PITPNC1: variants seen among roughly 807,000 people sequenced by gnomAD.
PITPNC1 encodes phosphatidylinositol transfer protein cytoplasmic 1.
A neutral mutation model predicts 44.7 loss-of-function variants in PITPNC1; 18 were observed. The ratio of observed to expected loss-of-function variants is 0.40; its 90% CI spans 0.28 to 0.60. The LOEUF (loss-of-function observed/expected upper bound fraction) is 0.60. Among genes scored for constraint, PITPNC1 ranks in the 20% least tolerant of loss-of-function variants. PITPNC1 has a pLI of 0.39. For synonymous variants in PITPNC1, 141 were observed against 149.6 expected (o/e 0.94, Z 0.42); for missense variants, 290 against 418.4 (o/e 0.69, Z 2.68).
chr17:67,472,742 G>T (rs1306897105), intron 1 of PITPNC1, among the ~76,000 whole-genome samples: 1 of 152,210 alleles, frequency 6.6e-6, no homozygotes, highest in South Asian at 2.1e-4. Context: ...GCTGTCCTGG[G>T]CCACGGGTTG....
chr17:67,477,750 G>C (rs2039650372), intron 1 of PITPNC1, among the ~76,000 whole-genome samples: 1 of 152,134 alleles, frequency 6.6e-6, no homozygotes, highest in Non-Finnish European at 1.5e-5. Flanking sequence ...CCTAGTGTGA[G>C]TGGCCTCCAT....
rs537594664 is a variant in PITPNC1 at position 67,451,272 on chromosome 17, T to C, written c.48+73070T>C. ...GTCTCGATCTCCTGACCTCAGGTGA[T>C]CCACCCACCTTGGCCTCCCAGACTG... On this transcript the variant is annotated intron_variant, in intron 1 of 8. Coordinates refer to ENST00000581322, the MANE Select transcript of PITPNC1 (RefSeq NM_012417.4). Among the ~76,000 whole-genome samples the C allele has an allele frequency of 1.7e-3, 263 of 152,206 alleles. 1 individual carries two copies. The highest frequency in any genetic ancestry group is 3.0e-3 in the Non-Finnish European group (206 of 68,000).
At position 67,473,066 on chromosome 17, in the gene PITPNC1, A is replaced by T. The variant is rs547346627; in HGVS notation, c.49-59736A>T. On this transcript the variant is annotated intron_variant, in intron 1 of 8. Coordinates refer to ENST00000581322, the MANE Select transcript of PITPNC1 (RefSeq NM_012417.4). ...AATTTTTTTGTATTTTTAGTAGAGA[A>T]GGGGTTTCACCATGTTAGCCAGGAT... Among the ~76,000 whole-genome samples the T allele has an allele frequency of 1.2e-4, 18 of 151,764 alleles. No individual in the cohort carries two copies. The East Asian group carries it at 2.5e-3, about 21-fold the overall frequency.
rs138451922 is a variant in PITPNC1 at position 67,668,512 on chromosome 17, G to A, written c.463-996G>A. On this transcript the variant is annotated intron_variant, in intron 6 of 8. Transcript: ENST00000581322. Reference sequence around the variant, plus strand: ...CCAAGAAGGGAGGATCACTTGAGGTGAGAAGTTGGAGACCAGCCTGGGCAA... The same window carrying A: ...CCAAGAAGGGAGGATCACTTGAGGTAAGAAGTTGGAGACCAGCCTGGGCAA... Among the ~76,000 whole-genome samples the A allele has an allele frequency of 6.6e-5, 10 of 152,152 alleles. No homozygotes were observed. In the South Asian group the frequency reaches 8.3e-4, roughly 13 times the overall value.
intron 2 of PITPNC1, among the ~76,000 whole-genome samples, chr17:67,535,702 A>C (rs2040518732): frequency 6.6e-6 from 1 of 152,242 alleles, no homozygotes; most frequent in Non-Finnish European, 1.5e-5. Flanking sequence ...ACACAGGATG[A>C]AATATAACTA....
intron 1 of PITPNC1, among the ~76,000 whole-genome samples, chr17:67,405,906 C>T (rs558273881): frequency 1.3e-5 from 2 of 152,132 alleles, no homozygotes; most frequent in Admixed American, 6.6e-5. Context: ...CATGCCTGGC[C>T]CCTGTTCAAC....
At chr17:67,519,445 G>A (rs566568727) in intron 1 of PITPNC1, among the ~76,000 whole-genome samples, 2 of 152,186 alleles carry the variant, frequency 1.3e-5, no homozygotes, top group East Asian at 3.9e-4. Context: ...CCAAAGTGCT[G>A]GGATTACAGA....
chr17:67,644,003 C>G (rs1401774467), intron 6 of PITPNC1, among the ~76,000 whole-genome samples: 1 of 152,178 alleles, frequency 6.6e-6, no homozygotes, highest in African/African-American at 2.4e-5. Flanking sequence ...ATAGCTCCAG[C>G]TCTCAGGATC....
At chr17:67,414,535 C>T (rs1216298293) in intron 1 of PITPNC1, among the ~76,000 whole-genome samples, 1 of 151,988 alleles carries the variant, frequency 6.6e-6, no homozygotes, top group Non-Finnish European at 1.5e-5. Flanking sequence ...ATTCCAAGGG[C>T]CAATTCCAGC....
chr17:67,537,845 G>T (rs2040550854), intron 2 of PITPNC1, among the ~76,000 whole-genome samples: 1 of 151,734 alleles, frequency 6.6e-6, no homozygotes, highest in African/African-American at 2.4e-5. Context: ...GGTGGCGGGT[G>T]CCTGTAATCC....
chr17:67,532,614 T>A (rs1028640254), intron 1 of PITPNC1, among the ~76,000 whole-genome samples, 188 bp from the exon 2 acceptor site: 5 of 152,040 alleles, frequency 3.3e-5, no homozygotes, highest in Admixed American at 6.6e-5. Context: ...ACACGCCGTC[T>A]CGATGTTCTA....
At chr17:67,443,511 G>A (rs1228990083) in intron 1 of PITPNC1, among the ~76,000 whole-genome samples, 2 of 151,624 alleles carry the variant, frequency 1.3e-5, no homozygotes, top group Non-Finnish European at 2.9e-5. Context: ...AGCAACCGGG[G>A]CTTTTCATGT....
At chr17:67,519,585 C>A (rs975913468) in intron 1 of PITPNC1, among the ~76,000 whole-genome samples, 1 of 152,154 alleles carries the variant, frequency 6.6e-6, no homozygotes, top group South Asian at 2.1e-4. Flanking sequence ...CACCCATTTG[C>A]TTTCCTCAAT....
rs540751803 is a variant in PITPNC1, at chr17:67,467,974, T to C, written c.49-64828T>C. ...TCATGCCAGCCTCTCGGCTTGGTGC[T>C]GGGGCAGAGTGGGAAGCAGACCACA... On this transcript the variant is annotated intron_variant, in intron 1 of 8. Coordinates refer to ENST00000581322, the MANE Select transcript of PITPNC1 (RefSeq NM_012417.4). Among the ~76,000 whole-genome samples the C allele has an allele frequency of 2.0e-5, 3 of 152,354 alleles. No individual in the cohort carries two copies. In the East Asian group the frequency reaches 5.8e-4, roughly 29 times the overall value.
intron 1 of PITPNC1, among the ~76,000 whole-genome samples, chr17:67,477,143 G>A (rs1035498552): frequency 4.0e-5 from 6 of 151,422 alleles, no homozygotes; most frequent in Non-Finnish European, 8.8e-5. Context: ...TGGCATGATC[G>A]CAGCACACTG....
intron 5 of PITPNC1, among the ~76,000 whole-genome samples, chr17:67,608,786 A>G (rs1260766734): frequency 1.4e-5 from 2 of 147,860 alleles, no homozygotes; most frequent in African/African-American, 2.5e-5. Flanking sequence ...GGCATGAACC[A>G]TCACGCCCGG....
At chr17:67,537,383 A>G (rs1427463903) in intron 2 of PITPNC1, among the ~76,000 whole-genome samples, 1 of 152,244 alleles carries the variant, frequency 6.6e-6, no homozygotes, top group Non-Finnish European at 1.5e-5. Flanking sequence ...CATATAGAAA[A>G]ATCCACAGCA....
chr17:67,466,664 C>T (rs1004769081), intron 1 of PITPNC1, among the ~76,000 whole-genome samples: 1 of 152,138 alleles, frequency 6.6e-6, no homozygotes, highest in African/African-American at 2.4e-5. Flanking sequence ...TTGAAAAACC[C>T]CCACTCTTGG....
At chr17:67,414,488 C>G (rs1453989197) in intron 1 of PITPNC1, among the ~76,000 whole-genome samples, 1 of 151,582 alleles carries the variant, frequency 6.6e-6, no homozygotes, top group African/African-American at 2.4e-5. Context: ...TTCTGGAAAA[C>G]TATACATATG....
Sources: gnomAD v4.1 joint callset for allele counts (sites outside exome capture counted in the v4.1 genomes callset) on GRCh38, gnomAD v4.1.1 for gene constraint, MANE v1.5 for transcripts, NCBI Gene and HGNC (gene_info 2026-07-23, HGNC 2026-07-21) for gene names.